C2CD3: variants seen among roughly 807,000 people sequenced by gnomAD.
The protein encoded by C2CD3 is C2 domain-containing protein 3.
A neutral mutation model predicts 234.0 loss-of-function variants in C2CD3; 148 were observed. The observed-to-expected ratio is 0.63, with a 90% CI of 0.55 to 0.72. The LOEUF is 0.72. C2CD3 is among the 30% of genes least tolerant of loss of function. C2CD3 has a pLI of 0.00. For synonymous variants in C2CD3, 1,000 were observed against 1,035.4 expected (o/e 0.97, Z 0.66); for missense variants, 2,577 against 2,811.5 (o/e 0.92, Z 1.89).
At chr11:74,055,101 C>T (rs1167840750) in intron 25 of C2CD3, among the ~76,000 whole-genome samples, 1 of 152,168 alleles carries the variant, frequency 6.6e-6, no homozygotes, top group Non-Finnish European at 1.5e-5. Flanking sequence ...CATGGCACCA[C>T]GTGTTTCATA....
chr11:74,022,528 T>A (rs887958781), intron 32 of C2CD3, among the ~76,000 whole-genome samples: 1 of 152,164 alleles, frequency 6.6e-6, no homozygotes, highest in Non-Finnish European at 1.5e-5. Context: ...TTTGAAGTCA[T>A]CAGAGTGATT....
chr11:74,065,436 G>A (rs1357558781), intron 24 of C2CD3, among the ~76,000 whole-genome samples: 1 of 152,186 alleles, frequency 6.6e-6, no homozygotes, highest in African/African-American at 2.4e-5. Context: ...AGGGTGTGGA[G>A]AAACTGGAAC....
At chr11:74,052,792 AGGCAGAGAG>A (rs1307333137) in intron 26 of C2CD3, among the ~76,000 whole-genome samples, 2 of 152,224 alleles carry the variant, frequency 1.3e-5, no homozygotes, top group Non-Finnish European at 2.9e-5. Context: ...ACAGGAGCAC[AGGCAGAGAG>A]AAAGGTCAGT....
In C2CD3 at chr11:74,013,517, G is replaced by C. The variant is rs926513974; in HGVS notation, c.6930C>G (p.Ser2310Arg). The C allele has an allele frequency of 3.0e-6, 4 of 1,352,344 alleles. No homozygotes were observed. The highest frequency in any genetic ancestry group is 3.8e-6 in the Non-Finnish European group (4 of 1,054,948). The allele number at this position is 1,352,344 out of a possible 1,614,324, so 83.8% of individuals were successfully genotyped here. Residue 2310 changes from serine to arginine, a missense_variant, in exon 33 of 33, where the codon AGC (serine) becomes AGG (arginine). Physicochemically the swap from Ser to Arg is moderately radical, Grantham distance 110. Coordinates refer to ENST00000334126, the MANE Select transcript of C2CD3 (RefSeq NM_001286577.2). ...GGGAGAGAGCTCCCCTGGTGGCTTC[G>C]CTCTTGTCCTGGAGAGGAAGAAGTC... ...PPAATTDQDK[S>R]EATRGALSQR... is the part of the protein sequence containing the mutation.
intron 15 of C2CD3, among the ~76,000 whole-genome samples, chr11:74,099,071 A>C (rs1284087741): frequency 6.6e-6 from 1 of 152,204 alleles, no homozygotes; most frequent in Non-Finnish European, 1.5e-5. Flanking sequence ...CTCTGAGCAA[A>C]GAATGAGATC....
At position 74,093,694 on chromosome 11, in the gene C2CD3, A is replaced by G. The variant is rs1026142215; in HGVS notation, c.3344+122T>C. The G allele has an allele frequency of 2.5e-5, 16 of 647,486 alleles. No homozygotes were observed. In the Admixed American group the frequency reaches 3.5e-4, roughly 14 times the overall value. 40.1% of individuals were successfully genotyped at this position (647,486 alleles called of 1,614,324 possible). ...TCACTGTCAAATCCAAATAACATAA[A>G]ACAGGGCTGAAGAGGCTGCTTAGCT... is the stretch of plus-strand genomic sequence containing the variant. On this transcript the variant is annotated intron_variant, in intron 18 of 32. Transcript: ENST00000334126.
chr11:74,075,370 G>A (rs1185645913), intron 23 of C2CD3, among the ~76,000 whole-genome samples: 1 of 151,914 alleles, frequency 6.6e-6, no homozygotes, highest in Non-Finnish European at 1.5e-5. Flanking sequence ...ATATTTTGGG[G>A]GGGGGTGGGG....
intron 22 of C2CD3, among the ~76,000 whole-genome samples, chr11:74,082,543 C>T (rs558234561): frequency 2.6e-5 from 4 of 152,210 alleles, no homozygotes; most frequent in South Asian, 2.1e-4. Context: ...TTGAGATAAT[C>T]GTGTGGTTTT....
At chr11:74,145,279 T>C (rs1855100488) in intron 3 of C2CD3, among the ~76,000 whole-genome samples, 1 of 152,238 alleles carries the variant, frequency 6.6e-6, no homozygotes, top group Non-Finnish European at 1.5e-5. Context: ...TGTAAGCCAT[T>C]CTCACTGTGG....
intron 31 of C2CD3, among the ~76,000 whole-genome samples, chr11:74,031,003 CTT>C (rs1322807008): frequency 6.6e-6 from 1 of 152,188 alleles, no homozygotes; most frequent in Non-Finnish European, 1.5e-5. Flanking sequence ...TTCTTCATCT[CTT>C]GTTATTATTG....
At position 74,034,106 on chromosome 11, in the gene C2CD3, G is replaced by A; in HGVS notation, c.6054C>T (p.Ser2018=). 9 of 1,536,146 alleles carry A rather than the reference G, an allele frequency of 5.9e-6. No homozygotes were observed. The highest frequency in any genetic ancestry group is 7.8e-6 in the Non-Finnish European group (9 of 1,146,908). ...LVRAPDKGTD[S]PSPPPLEETS... ...TCTCTTCGAGAGGAGGGGGTGATGG[G>A]GAATCTGTGCCTTTATCTGGAGCTC... The change falls in exon 31 of 33, where the codon TCC becomes TCT. Residue 2018 remains serine, a synonymous_variant. Transcript: ENST00000334126.
chr11:74,100,037 A>G (rs1397650550), intron 15 of C2CD3, among the ~76,000 whole-genome samples: 1 of 152,260 alleles, frequency 6.6e-6, no homozygotes, highest in African/African-American at 2.4e-5. Context: ...GATAATATTC[A>G]CTATATAAAA....
At chr11:74,142,020 C>T (rs2135547251) in intron 3 of C2CD3, 1 of 152,734 alleles carries the variant, frequency 6.5e-6, no homozygotes, top group East Asian at 1.9e-4. Flanking sequence ...TAACCCCCTC[C>T]TCCCCCACAA....
At chr11:74,092,052 A>G (rs1371465332) in intron 19 of C2CD3, among the ~76,000 whole-genome samples, 1 of 151,172 alleles carries the variant, frequency 6.6e-6, no homozygotes, top group Non-Finnish European at 1.5e-5. Context: ...GTGTGTATAT[A>G]TATATATATT....
intron 24 of C2CD3, among the ~76,000 whole-genome samples, chr11:74,072,464 C>T (rs1386101450): frequency 3.3e-5 from 5 of 152,142 alleles, no homozygotes; most frequent in Non-Finnish European, 1.5e-5. Flanking sequence ...ACAGAGAGGT[C>T]AAATCTGAAT....
chr11:74,044,812 G>T (rs1442298821), intron 28 of C2CD3, among the ~76,000 whole-genome samples: 2 of 151,274 alleles, frequency 1.3e-5, no homozygotes, highest in African/African-American at 2.4e-5. Flanking sequence ...GTGGTATTTG[G>T]TTTTCTGTTC....
At chr11:74,071,131 GTTGT>G (rs1358485105) in intron 24 of C2CD3, among the ~76,000 whole-genome samples, 4 of 152,200 alleles carry the variant, frequency 2.6e-5, no homozygotes, top group Non-Finnish European at 5.9e-5. Context: ...GGGACTGTGT[GTTGT>G]TTGTTTATCC....
At position 74,170,927 on chromosome 11, in the gene C2CD3, G is replaced by A; in HGVS notation, c.-135C>T. 2 of 1,522,850 alleles carry A rather than the reference G, an allele frequency of 1.3e-6. No homozygotes were observed. Among genetic ancestry groups the A allele is most frequent in the Non-Finnish European group, 1.8e-6 (2 of 1,140,708 alleles). 94.3% of individuals were successfully genotyped at this position (1,522,850 alleles called of 1,614,324 possible). A position where few individuals can be genotyped will look rare whatever the true frequency, so the allele number is the denominator to read the frequency against. On this transcript the variant is annotated 5_prime_UTR_variant, in exon 1 of 33. Coordinates refer to ENST00000334126, the MANE Select transcript of C2CD3 (RefSeq NM_001286577.2). Reference sequence around the variant, plus strand: ...TGGGCAGCCTGGGAGGCAGGAAAAAGCGACTCTTCCTCTAACAGTCTCCGG... The same window carrying A: ...TGGGCAGCCTGGGAGGCAGGAAAAAACGACTCTTCCTCTAACAGTCTCCGG...
intron 19 of C2CD3, 129 bp from the exon 20 acceptor site, chr11:74,091,065 T>G: frequency 3.6e-6 from 3 of 825,138 alleles, no homozygotes; most frequent in Non-Finnish European, 5.6e-6. Context: ...AATGAGAGAA[T>G]CTGTCCTTGT....
Sources: gnomAD v4.1 joint callset for allele counts (sites outside exome capture counted in the v4.1 genomes callset) on GRCh38, gnomAD v4.1.1 for gene constraint, MANE v1.5 for transcripts, NCBI Gene and HGNC (gene_info 2026-07-23, HGNC 2026-07-21) for gene names.